Variants in PRR12 observed in about 807,000 individuals in gnomAD.
The protein encoded by PRR12 is proline-rich protein 12.
Under a neutral mutation model 138.0 loss-of-function variants are expected in PRR12, and 12 were observed. The observed-to-expected ratio is 0.09, with a 90% confidence interval of 0.06 to 0.14. The LOEUF is 0.14. Among genes scored for constraint, PRR12 ranks in the 10% least tolerant of loss-of-function variants. The pLI, the probability that PRR12 is intolerant of heterozygous loss-of-function variation, is 1.00. For synonymous variants in PRR12, 1,567 were observed against 1,291.7 expected (o/e 1.21, Z -4.57); for missense variants, 2,692 against 2,861.3 (o/e 0.94, Z 1.35).
intron 1 of PRR12, 50 bp downstream of exon 1, chr19:49,591,790 A>G (rs1242932102): frequency 1.5e-5 from 16 of 1,069,868 alleles, no homozygotes; most frequent in Admixed American, 8.3e-5. Flanking sequence ...GTGGGAGCCC[A>G]GCCGGGCCGG....
intron 2 of PRR12, 140 bp downstream of exon 2, chr19:49,593,579 G>T: frequency 1.8e-6 from 1 of 569,044 alleles, no homozygotes; most frequent in Non-Finnish European, 3.1e-6. Flanking sequence ...TCCTCTGATT[G>T]GTTGCCTTTG....
intron 6 of PRR12, among the ~76,000 whole-genome samples, chr19:49,608,335 CT>C (rs906442457): frequency 6.6e-6 from 1 of 151,276 alleles, no homozygotes; most frequent in Admixed American, 6.6e-5. Context: ...ACACAAAATT[CT>C]TTTTTTTTAA....
At chr19:49,609,263 C>T (rs2080853571) in intron 6 of PRR12, among the ~76,000 whole-genome samples, 2 of 152,060 alleles carry the variant, frequency 1.3e-5, no homozygotes, top group South Asian at 2.1e-4. Context: ...CAAGATTGCT[C>T]GATTGCACTC....
At chr19:49,592,274 G>T (rs930169788) in intron 1 of PRR12, among the ~76,000 whole-genome samples, 1 of 152,082 alleles carries the variant, frequency 6.6e-6, no homozygotes, top group African/African-American at 2.4e-5. Flanking sequence ...CTGGGGTTGT[G>T]TGTGTGTAAG....
Position 49,605,104 on chromosome 19 carries a change from G to T in PRR12, c.4773+3186G>T, listed in dbSNP as rs1008694770. ...GACCTCGGGTGATCCACCCGCCTCG[G>T]CCTCCCAAAGTGCTGGGATTACAGG... is the stretch of plus-strand genomic sequence containing the variant. On this transcript the variant is annotated intron_variant, in intron 6 of 13. Transcript: ENST00000418929. Among the ~76,000 whole-genome samples, 12 of 152,058 alleles carry T rather than the reference G, an allele frequency of 7.9e-5. No homozygotes were observed. The East Asian group carries it at 1.2e-3, about 15-fold the overall frequency.
rs922178889 is a variant in PRR12, at chr19:49,610,546, A to ATTTTTTT, written c.4774-3979_4774-3973dup. On this transcript the variant is annotated intron_variant, in intron 6 of 13. Transcript: ENST00000418929. ...CATGCCATGGTAAAACCCTGTTCCT[A>ATTTTTTT]TTTTTTTTTTTTTTGAGATGGAGTC... 1.6e-5 allele frequency among the ~76,000 whole-genome samples: 2 copies of ATTTTTTT among 121,652 alleles called. 1 individual carries two copies. Among genetic ancestry groups the ATTTTTTT allele is most frequent in the Non-Finnish European group, 3.3e-5 (2 of 60,736 alleles). The allele number at this position is 121,652 out of a possible 152,430, so 79.8% of individuals were successfully genotyped here. A position where few individuals can be genotyped will look rare whatever the true frequency, so the allele number is the denominator to read the frequency against.
chr19:49,617,364 G>A (rs1013540928), intron 9 of PRR12, among the ~76,000 whole-genome samples: 11 of 151,878 alleles, frequency 7.2e-5, no homozygotes, highest in South Asian at 4.2e-4. Flanking sequence ...GTGGTGGCTC[G>A]CACCGGTAAT....
intron 9 of PRR12, among the ~76,000 whole-genome samples, chr19:49,619,109 C>T (rs747175601): frequency 6.6e-6 from 1 of 151,992 alleles, no homozygotes; most frequent in African/African-American, 2.4e-5. Context: ...TTTTGGAAAC[C>T]AACAATGCTG....
chr19:49,605,804 G>T (rs572378001), intron 6 of PRR12, among the ~76,000 whole-genome samples: 1 of 152,368 alleles, frequency 6.6e-6, no homozygotes, highest in East Asian at 1.9e-4. Context: ...AGGGGAGGGG[G>T]CCAGGCGAGG....
At position 49,614,917 on chromosome 19, in the gene PRR12, C is replaced by G. The variant is rs747399369; in HGVS notation, c.4932C>G (p.Arg1644=). 1 of 1,613,952 alleles carries G rather than the reference C, an allele frequency of 6.2e-7. No individual in the cohort carries two copies. Among genetic ancestry groups the G allele is most frequent in the Non-Finnish European group, 8.5e-7 (1 of 1,179,888 alleles). Residue 1644 remains arginine, a synonymous_variant, in exon 8 of 14, where the codon CGC becomes CGG. Transcript: ENST00000418929. This position sits in a 1 kb window ranked among gnomAD's most constrained non-coding sequence, Gnocchi z 5.0. ...GGGATGCAAAAAATCGGTACCAGCG[C>G]CTCTATGTAAAGTTCCTGGAAAATG... The part of the protein sequence containing the change: ...YFGDAKNRYQ[R]LYVKFLENVN...
Position 49,596,459 on chromosome 19 carries a change from C to T in PRR12, c.2124C>T (p.Ala708=), listed in dbSNP as rs753681228. ...YHLQSVIRTS[A]SLDEGATAAL... Reference sequence around the variant, plus strand: ...TGCAGAGTGTCATCCGCACCAGTGCCAGCCTGGATGAGGGTGCCACTGCGG... The same window carrying T: ...TGCAGAGTGTCATCCGCACCAGTGCTAGCCTGGATGAGGGTGCCACTGCGG... Residue 708 remains alanine, a synonymous_variant, in exon 4 of 14, where the codon GCC becomes GCT. Coordinates refer to ENST00000418929, the MANE Select transcript of PRR12 (RefSeq NM_020719.3). The surrounding 1 kb of genome is among the most constrained non-coding windows in gnomAD (Gnocchi z 5.6). The T allele has an allele frequency of 1.1e-5, 18 of 1,611,316 alleles. No individual in the cohort carries two copies. Among genetic ancestry groups the T allele is most frequent in the Non-Finnish European group, 1.4e-5 (16 of 1,179,444 alleles).
rs148293399 is a variant in PRR12 at position 49,607,207 on chromosome 19, G to C, written c.4773+5289G>C. On this transcript the variant is annotated intron_variant, in intron 6 of 13. Transcript: ENST00000418929. ...CCTAACATATTGAAAGTATTATTTC[G>C]GCTACATGCGGTGGCTCACACCTGT... Among the ~76,000 whole-genome samples the C allele has an allele frequency of 2.8e-3, 419 of 152,002 alleles. 1 individual carries two copies. Among genetic ancestry groups the C allele is most frequent in the Middle Eastern group, 6.8e-3 (2 of 292 alleles).
In PRR12 at chr19:49,596,592, G is replaced by C; in HGVS notation, c.2257G>C (p.Ala753Pro). 1 of 1,594,816 alleles carries C rather than the reference G, an allele frequency of 6.3e-7. No homozygotes were observed. The highest frequency in any genetic ancestry group is 8.5e-7 in the Non-Finnish European group (1 of 1,171,312). Residue 753 changes from alanine (A) to proline (P), a missense_variant, in exon 4 of 14, where the codon GCC becomes CCC. Physicochemically the swap from Ala to Pro is conservative, Grantham distance 27. Transcript: ENST00000418929. The surrounding 1 kb of genome is among the most constrained non-coding windows in gnomAD (Gnocchi z 5.6). ...ATSVVHYGAG[A>P]KELGAFLQKS... Reference sequence around the variant, plus strand: ...CTCTGTTGTCCACTACGGGGCAGGCGCCAAGGAGCTGGGGGCCTTCTTGCA... The same window carrying C: ...CTCTGTTGTCCACTACGGGGCAGGCCCCAAGGAGCTGGGGGCCTTCTTGCA...
rs1371570464 is a variant in PRR12 at position 49,593,388 on chromosome 19, T to C, written c.148T>C (p.Tyr50His). 5.6e-6 allele frequency: 9 copies of C among 1,604,016 alleles called. No individual in the cohort carries two copies. The highest frequency in any genetic ancestry group is 7.7e-6 in the Non-Finnish European group (9 of 1,176,312). The change falls in exon 2 of 14, where the codon TAT becomes CAT. Residue 50 changes from tyrosine (Y) to histidine (H), a missense_variant. Physicochemically the swap from Tyr to His is moderately conservative, Grantham distance 83. Coordinates refer to ENST00000418929, the MANE Select transcript of PRR12 (RefSeq NM_020719.3). ...GACGGACATCTTACACCGCCAGGCC[T>C]ATGCGGCCCCCCACCCACTGCAAAG... ...PETDILHRQA[Y>H]AAPHPLQSYA...
Position 49,620,496 on chromosome 19 carries a change from A to G in PRR12, c.5623+19A>G. 3 of 1,469,546 alleles carry G rather than the reference A, an allele frequency of 2.0e-6. No homozygotes were observed. The highest frequency in any genetic ancestry group is 1.8e-6 in the Non-Finnish European group (2 of 1,084,404). The allele number at this position is 1,469,546 out of a possible 1,614,324, so 91.0% of individuals were successfully genotyped here. ...ACGCATGGTGAGCTGAGGCCTGGGG[A>G]GGAGGGGGGGGGGCTGACTCGGTCT... On this transcript the variant is annotated intron_variant, in intron 10 of 13. Coordinates refer to ENST00000418929, the MANE Select transcript of PRR12 (RefSeq NM_020719.3).
At chr19:49,593,634 C>T (rs2080744752) in intron 2 of PRR12, among the ~76,000 whole-genome samples, 195 bp downstream of exon 2, 2 of 152,174 alleles carry the variant, frequency 1.3e-5, no homozygotes. Flanking sequence ...TCGTCCGCCC[C>T]TGCCTCGCCC....
At position 49,614,677 on chromosome 19, in the gene PRR12, TGGG is replaced by T. The variant is rs2080882509; in HGVS notation, c.4890+31_4890+33del. 6.5e-7 allele frequency: 1 copy of T among 1,545,030 alleles called. No individual in the cohort carries two copies. The highest frequency in any genetic ancestry group is 8.8e-7 in the Non-Finnish European group (1 of 1,141,826). ...AAGCCTGCAAAGGGGACCAAGGACT[TGGG>T]GGCCCCGGGGCGTGGTATCTAGGAG... On this transcript the variant is annotated intron_variant, in intron 7 of 13. Transcript: ENST00000418929. This position sits in a 1 kb window ranked among gnomAD's most constrained non-coding sequence, Gnocchi z 5.0.
chr19:49,600,506 C>A (rs1227332016), intron 5 of PRR12, among the ~76,000 whole-genome samples: 1 of 150,638 alleles, frequency 6.6e-6, no homozygotes, highest in Non-Finnish European at 1.5e-5. Flanking sequence ...CCATGACAGG[C>A]CGGGCATGGT....
At chr19:49,598,930 G>A (rs973018238) in intron 4 of PRR12, among the ~76,000 whole-genome samples, 2 of 152,112 alleles carry the variant, frequency 1.3e-5, no homozygotes, top group African/African-American at 4.8e-5. Flanking sequence ...AAGGTGCTGG[G>A]ATTACAGGCA....
Sources: gnomAD v4.1 joint callset for allele counts (sites outside exome capture counted in the v4.1 genomes callset) on GRCh38, gnomAD v4.1.1 for gene constraint, Gnocchi (gnomAD v3.1) non-coding constraint, MANE v1.5 for transcripts, NCBI Gene and HGNC (gene_info 2026-07-23, HGNC 2026-07-21) for gene names.